Variants in MSI2 observed in about 807,000 individuals in gnomAD.
MSI2 encodes the protein musashi RNA binding protein 2, also known as RNA-binding protein Musashi homolog 2.
A neutral mutation model predicts 45.6 loss-of-function variants in MSI2; 17 were observed. That is an observed-to-expected ratio of 0.37 (90% CI 0.26 to 0.56). The LOEUF is 0.56. Among genes scored for constraint, MSI2 ranks in the 20% least tolerant of loss-of-function variants. MSI2 has a pLI of 0.77. For missense variants in MSI2, 293 were observed against 444.2 expected, an observed-to-expected ratio of 0.66 and a Z score of 3.06; for synonymous variants, 156 against 158.2, an observed-to-expected ratio of 0.99 and a Z score of 0.11.
chr17:57,694,958 A>C, the MSI2 span, among the ~76,000 whole-genome samples: 1 of 152,254 alleles, frequency 6.6e-6, no homozygotes, highest in Non-Finnish European at 1.5e-5. Flanking sequence ...AAGTGCTATA[A>C]TTATGTCAAA....
At chr17:57,325,504 T>G (rs1355525041) in intron 5 of MSI2, among the ~76,000 whole-genome samples, 4 of 152,202 alleles carry the variant, frequency 2.6e-5, no homozygotes, top group African/African-American at 9.6e-5. Context: ...AAAAGGGACG[T>G]GTTTGAGTCC....
intron 6 of MSI2, among the ~76,000 whole-genome samples, chr17:57,403,049 CCT>C (rs1204365634): frequency 3.9e-5 from 6 of 152,246 alleles, no homozygotes; most frequent in Admixed American, 6.5e-5. Flanking sequence ...GAGGGTGAGC[CCT>C]CTTTGCTATC....
At chr17:57,351,595 C>CCTG (rs1916036169) in intron 5 of MSI2, among the ~76,000 whole-genome samples, 1 of 152,222 alleles carries the variant, frequency 6.6e-6, no homozygotes, top group Non-Finnish European at 1.5e-5. Context: ...ACGGCTCATG[C>CCTG]CTGTAATCCC....
At chr17:57,538,923 T>C (rs1053369975) in intron 7 of MSI2, among the ~76,000 whole-genome samples, 8 of 152,220 alleles carry the variant, frequency 5.3e-5, no homozygotes, top group African/African-American at 1.9e-4. Context: ...CAACTCAGAT[T>C]CCTTATCTGT....
chr17:57,568,620 T>G (rs926122020), intron 7 of MSI2, among the ~76,000 whole-genome samples: 6 of 152,238 alleles, frequency 3.9e-5, no homozygotes, highest in Admixed American at 1.3e-4. Context: ...TCTAATCCCC[T>G]TCTTCCCTAT....
At chr17:57,275,930 C>T (rs1191066010) in intron 5 of MSI2, among the ~76,000 whole-genome samples, 1 of 152,192 alleles carries the variant, frequency 6.6e-6, no homozygotes, top group Non-Finnish European at 1.5e-5. Flanking sequence ...CCCCCTCCCT[C>T]CTTCAGTTCT....
chr17:57,339,998 C>G (rs1270224377), intron 5 of MSI2, among the ~76,000 whole-genome samples: 1 of 152,188 alleles, frequency 6.6e-6, no homozygotes, highest in Non-Finnish European at 1.5e-5. Context: ...CAAAACTGGG[C>G]AGCAGAGGTG....
At chr17:57,541,514 C>T (rs2087045799) in intron 7 of MSI2, among the ~76,000 whole-genome samples, 1 of 152,218 alleles carries the variant, frequency 6.6e-6, no homozygotes, top group Non-Finnish European at 1.5e-5. Context: ...ACTTCAAAAG[C>T]TGCCAAACAG....
chr17:57,433,820 C>A (rs893263129), intron 6 of MSI2, among the ~76,000 whole-genome samples: 1 of 152,204 alleles, frequency 6.6e-6, no homozygotes, highest in African/African-American at 2.4e-5. Context: ...TGTACTGTTG[C>A]GTGTTCCTCT....
chr17:57,664,663 G>A (rs150623089), intron 11 of MSI2, among the ~76,000 whole-genome samples: 35 of 152,274 alleles, frequency 2.3e-4, no homozygotes, highest in South Asian at 6.2e-4. Context: ...GGACAGAAGC[G>A]GTTCCAGAAC....
At chr17:57,697,824 C>T in the MSI2 span, among the ~76,000 whole-genome samples, 1 of 152,174 alleles carries the variant, frequency 6.6e-6, no homozygotes, top group Non-Finnish European at 1.5e-5. Flanking sequence ...ATTCAATTAT[C>T]TGCCACTGGG....
chr17:57,659,846 T>C (rs1438213305), intron 11 of MSI2, among the ~76,000 whole-genome samples: 1 of 152,250 alleles, frequency 6.6e-6, no homozygotes, highest in East Asian at 1.9e-4. Context: ...AGTCTGATCT[T>C]TCAGATGTAG....
chr17:57,328,803 G>T (rs1053518301), intron 5 of MSI2, among the ~76,000 whole-genome samples: 2 of 151,968 alleles, frequency 1.3e-5, no homozygotes, highest in East Asian at 3.9e-4. Flanking sequence ...GGAATAGGTG[G>T]GTTAAAGTTT....
At position 57,407,557 on chromosome 17, in the gene MSI2, G is replaced by A. The variant is rs185498827; in HGVS notation, c.405+6086G>A. 2.2e-3 allele frequency among the ~76,000 whole-genome samples: 340 copies of A among 152,280 alleles called. No individual in the cohort carries two copies. Among genetic ancestry groups the A allele is most frequent in the African/African-American group, 7.4e-3 (306 of 41,546 alleles). ...AAAACAAAAGTCTTGTGTGTCCTTT[G>A]TGGACATCTGAGCTCCCGTGAGGCT... On this transcript the variant is annotated intron_variant, in intron 6 of 13. Coordinates refer to ENST00000284073, the MANE Select transcript of MSI2 (RefSeq NM_138962.4). This position sits in a 1 kb window ranked among gnomAD's most constrained non-coding sequence, Gnocchi z 4.1.
chr17:57,280,017 CA>C lies in MSI2; in HGVS notation c.312+17838del, dbSNP rs112875953. On this transcript the variant is annotated intron_variant, in intron 5 of 13. Transcript: ENST00000284073. This position sits in a 1 kb window ranked among gnomAD's most constrained non-coding sequence, Gnocchi z 4.2. ...GCATTGGATGTTAAAGGGATCATAA[CA>C]AAAAAAAAAAAACAGTGTCCTTTGG... is the stretch of plus-strand genomic sequence containing the variant. 5.3e-3 allele frequency: 685 copies of C among 128,700 alleles called. 6 individuals carry two copies. Among genetic ancestry groups the C allele is most frequent in the African/African-American group, 7.9e-3 (289 of 36,584 alleles). The allele number at this position is 128,700 out of a possible 1,614,324, so 8.0% of individuals were successfully genotyped here.
rs374269675 is a variant in MSI2, at chr17:57,502,525, G to T, written c.406-27151G>T. On this transcript the variant is annotated intron_variant, in intron 6 of 13. Transcript: ENST00000284073. ...GCATAGTGTCAGATCTACAGTAATT[G>T]TGTAATAAGAATTAGCTGCTATTAT... Among the ~76,000 whole-genome samples the T allele has an allele frequency of 3.5e-3, 517 of 148,122 alleles. 2 individuals are homozygous for T. The highest frequency in any genetic ancestry group is 0.012 in the African/African-American group (483 of 40,270).
chr17:57,575,151 T>TCCCCCCCCCC (rs898555784), intron 7 of MSI2, among the ~76,000 whole-genome samples: 1 of 114,376 alleles, frequency 8.7e-6, no homozygotes, highest in Non-Finnish European at 1.8e-5. Flanking sequence ...TTTAACTCCC[T>TCCCCCCCCCC]CCCCCCGCCA....
At chr17:57,578,724 A>T (rs554980631) in intron 7 of MSI2, among the ~76,000 whole-genome samples, 1 of 152,234 alleles carries the variant, frequency 6.6e-6, no homozygotes, top group African/African-American at 2.4e-5. Flanking sequence ...TGGTGTGATT[A>T]GTTGCCTTGC....
chr17:57,562,900 C>A (rs1343371670), intron 7 of MSI2, among the ~76,000 whole-genome samples: 1 of 151,906 alleles, frequency 6.6e-6, no homozygotes, highest in Admixed American at 6.6e-5. Flanking sequence ...GAGTTCGAGA[C>A]CAGCCTGACC....
Sources: gnomAD v4.1 joint callset for allele counts (sites outside exome capture counted in the v4.1 genomes callset) on GRCh38, gnomAD v4.1.1 for gene constraint, Gnocchi (gnomAD v3.1) non-coding constraint, MANE v1.5 for transcripts, NCBI Gene and HGNC (gene_info 2026-07-23, HGNC 2026-07-21) for gene names.